PPID: variants seen among roughly 807,000 people sequenced by gnomAD.
PPID encodes peptidyl-prolyl cis-trans isomerase D.
Under a neutral mutation model 48.1 loss-of-function variants are expected in PPID, and 47 were observed. The ratio of observed to expected loss-of-function variants is 0.98; its 90% CI spans 0.77 to 1.25. PPID has a LOEUF of 1.25. PPID is among the 50% of genes most tolerant of loss of function. PPID has a pLI of 0.00. For missense variants in PPID, 429 were observed against 443.5 expected, an observed-to-expected ratio of 0.97 and a Z score of 0.29; for synonymous variants, 163 against 148.8, an observed-to-expected ratio of 1.10 and a Z score of -0.69.
At chr4:158,718,435 T>C (rs1308089472) in intron 3 of PPID, among the ~76,000 whole-genome samples, 3 of 152,220 alleles carry the variant, frequency 2.0e-5, no homozygotes, top group Admixed American at 1.3e-4. Flanking sequence ...TCAATCAATT[T>C]AGCATTTATT....
At chr4:158,711,762 T>TA (rs1774794400) in intron 7 of PPID, among the ~76,000 whole-genome samples, 1 of 151,996 alleles carries the variant, frequency 6.6e-6, no homozygotes, top group Non-Finnish European at 1.5e-5. Flanking sequence ...GCCCAGGAGT[T>TA]AAGAGACCAG....
intron 3 of PPID, 27 bp downstream of exon 3, chr4:158,719,153 C>T (rs1255122204): frequency 7.1e-7 from 1 of 1,408,792 alleles, no homozygotes; most frequent in Non-Finnish European, 1.0e-6. Flanking sequence ...TTTTTATCAG[C>T]AATAACATGC....
intron 7 of PPID, among the ~76,000 whole-genome samples, chr4:158,711,428 T>G (rs552423912): frequency 4.0e-5 from 6 of 151,758 alleles, no homozygotes; most frequent in Non-Finnish European, 7.4e-5. Context: ...TTCACCATGT[T>G]GCCCAGGCTG....
intron 6 of PPID, among the ~76,000 whole-genome samples, chr4:158,714,044 A>C (rs371641062): frequency 4.6e-5 from 7 of 152,240 alleles, no homozygotes; most frequent in Middle Eastern, 3.4e-3. Flanking sequence ...AGAAAAGAAA[A>C]ATATCCACAG....
chr4:158,717,307 T>C, intron 3 of PPID, 107 bp from the exon 4 acceptor site: 4 of 900,602 alleles, frequency 4.4e-6, no homozygotes, highest in South Asian at 3.0e-5. Flanking sequence ...GGGTGCACTA[T>C]ACTACCATTT....
chr4:158,718,797 T>A (rs1170572776), intron 3 of PPID, among the ~76,000 whole-genome samples: 1 of 152,216 alleles, frequency 6.6e-6, no homozygotes, highest in Non-Finnish European at 1.5e-5. Flanking sequence ...TCTGCTAGTG[T>A]GCAAATCCCC....
chr4:158,711,049 T>C (rs1176896039), intron 7 of PPID, among the ~76,000 whole-genome samples: 4 of 152,146 alleles, frequency 2.6e-5, no homozygotes, highest in Non-Finnish European at 4.4e-5. Flanking sequence ...GAGAAAGACA[T>C]TTCTCTAGTT....
chr4:158,710,690 T>C lies in PPID; in HGVS notation c.982-20A>G. On this transcript the variant is annotated intron_variant, in intron 8 of 9. Transcript: ENST00000307720. ...ATCAGCCTTTAATTGGAAAAAAACA[T>C]TTAAGTTAGGTGTATGATTTATAAA... 2 of 1,612,900 alleles carry C rather than the reference T, an allele frequency of 1.2e-6. No individual in the cohort carries two copies. Among genetic ancestry groups the C allele is most frequent in the Non-Finnish European group, 1.7e-6 (2 of 1,179,112 alleles).
intron 1 of PPID, 40 bp from the exon 2 acceptor site, chr4:158,721,523 A>G (rs1774960230): frequency 2.5e-6 from 4 of 1,587,432 alleles, no homozygotes; most frequent in Non-Finnish European, 2.6e-6. Context: ...CAAAACAACC[A>G]AATAGACAAA....
intron 7 of PPID, among the ~76,000 whole-genome samples, chr4:158,711,608 T>C (rs1774792368): frequency 6.6e-6 from 1 of 152,058 alleles, no homozygotes; most frequent in Admixed American, 6.6e-5. Context: ...ATTTTAAAAT[T>C]ATCTTTTGTT....
chr4:158,716,165 A>T (rs1445063293), intron 4 of PPID, among the ~76,000 whole-genome samples: 1 of 151,746 alleles, frequency 6.6e-6, no homozygotes, highest in Non-Finnish European at 1.5e-5. Flanking sequence ...GTCTCAAGTG[A>T]TCCTCCCACC....
At chr4:158,713,389 T>G (rs1774820826) in intron 6 of PPID, 129 bp from the exon 7 acceptor site, 2 of 1,027,012 alleles carry the variant, frequency 1.9e-6, no homozygotes, top group Non-Finnish European at 2.6e-6. Flanking sequence ...ATCTTAATGA[T>G]CACACTTTTT....
intron 4 of PPID, 68 bp downstream of exon 4, chr4:158,716,944 T>C: frequency 6.6e-7 from 1 of 1,508,018 alleles, no homozygotes; most frequent in African/African-American, 1.4e-5. Flanking sequence ...CTGGAACAGA[T>C]CGAGACTCCG....
intron 7 of PPID, among the ~76,000 whole-genome samples, chr4:158,712,348 C>T (rs898339309): frequency 1.3e-5 from 2 of 152,164 alleles, no homozygotes; most frequent in South Asian, 2.1e-4. Flanking sequence ...CCCTCCTATC[C>T]TGAATCACTT....
At position 158,721,245 on chromosome 4, in the gene PPID, T is replaced by C. The variant is rs1774954051; in HGVS notation, c.226+98A>G. The C allele has an allele frequency of 3.5e-6, 5 of 1,421,522 alleles. No individual in the cohort carries two copies. In the Admixed American group the frequency reaches 8.0e-5, roughly 23 times the overall value. 88.1% of individuals were successfully genotyped at this position (1,421,522 alleles called of 1,614,324 possible). Reference sequence around the variant, plus strand: ...CAGACATGGACGCTAATAGTACTTTTTAAGCTTCACTTCCTACTTAGTGTT... The same window carrying C: ...CAGACATGGACGCTAATAGTACTTTCTAAGCTTCACTTCCTACTTAGTGTT... On this transcript the variant is annotated intron_variant, in intron 2 of 9. Transcript: ENST00000307720.
In PPID at chr4:158,721,453, T is replaced by A; in HGVS notation, c.116A>T (p.Asp39Val). ...ATTTTCCGCAGTTTTGGGTACGATA[T>A]CTGCAAACAATTCTAAGACAATTCG... Reference protein sequence around the residue: ...VGRIVLELFADIVPKTAENFR... With the variant: ...VGRIVLELFAVIVPKTAENFR... Residue 39 changes from aspartate to valine, a missense_variant, in exon 2 of 10, where the codon GAT becomes GTT. Transcript: ENST00000307720. 8.7e-6 allele frequency: 14 copies of A among 1,614,138 alleles called. No homozygotes were observed. Among genetic ancestry groups the A allele is most frequent in the Non-Finnish European group, 1.2e-5 (14 of 1,180,006 alleles).
Position 158,717,156 on chromosome 4 carries a change from G to A in PPID, c.378C>T (p.Asn126=), listed in dbSNP as rs750505890. ...TGATAAAAAACTGAGAACCGTTTGT[G>A]TTGCGGCCTGCATTTGCCATGCTCA... ...GLLSMANAGR[N]TNGSQFFITT... Residue 126 remains asparagine, a synonymous_variant, in exon 4 of 10, where the codon AAC becomes AAT. Transcript: ENST00000307720. 21 of 1,614,126 alleles carry A rather than the reference G, an allele frequency of 1.3e-5. No homozygotes were observed. Among genetic ancestry groups the A allele is most frequent in the South Asian group, 6.6e-5 (6 of 91,086 alleles).
chr4:158,719,046 C>T, intron 3 of PPID, 134 bp downstream of exon 3: 1 of 587,976 alleles, frequency 1.7e-6, no homozygotes, highest in Non-Finnish European at 2.9e-6. Context: ...CCATTATTTA[C>T]AAAAGTGATT....
At position 158,715,409 on chromosome 4, in the gene PPID, TA is replaced by T. The variant is rs754548836; in HGVS notation, c.646-7del. On this transcript the variant is annotated splice_polypyrimidine_tract_variant and splice_region_variant and intron_variant, in intron 5 of 9. Transcript: ENST00000307720. Reference sequence around the variant, plus strand: ...ATTAATAAAATTTTATCTACCTGTATAAAAAAATACAAATATGTTGGATTTT... The same window carrying T: ...ATTAATAAAATTTTATCTACCTGTATAAAAAATACAAATATGTTGGATTTT... 2.0e-6 allele frequency: 3 copies of T among 1,496,820 alleles called. No individual in the cohort carries two copies. Among genetic ancestry groups the T allele is most frequent in the South Asian group, 1.3e-5 (1 of 76,304 alleles). 92.7% of individuals were successfully genotyped at this position (1,496,820 alleles called of 1,614,324 possible). A position where few individuals can be genotyped will look rare whatever the true frequency, so the allele number is the denominator to read the frequency against.
Sources: gnomAD v4.1 joint callset for allele counts (sites outside exome capture counted in the v4.1 genomes callset) on GRCh38, gnomAD v4.1.1 for gene constraint, MANE v1.5 for transcripts, NCBI Gene and HGNC (gene_info 2026-07-23, HGNC 2026-07-21) for gene names.